Variants in CBFA2T2 observed in about 807,000 individuals in gnomAD.
The protein encoded by CBFA2T2 is CBFA2/RUNX1 partner transcriptional co-repressor 2, also known as protein CBFA2T2.
In CBFA2T2, 11 loss-of-function variants were observed where a neutral mutation model predicts 62.2. The ratio of observed to expected loss-of-function variants is 0.18; its 90% CI spans 0.11 to 0.29. CBFA2T2 has a LOEUF of 0.29. Among genes scored for constraint, CBFA2T2 ranks in the 10% least tolerant of loss-of-function variants. CBFA2T2 has a pLI of 1.00. For synonymous variants in CBFA2T2, 295 were observed against 287.5 expected, an observed-to-expected ratio of 1.03 and a Z score of -0.27; for missense variants, 592 against 774.1, an observed-to-expected ratio of 0.76 and a Z score of 2.79.
intron 1 of CBFA2T2, among the ~76,000 whole-genome samples, chr20:33,500,455 T>A (rs2011260007): frequency 6.6e-6 from 1 of 152,042 alleles, no homozygotes; most frequent in Admixed American, 6.6e-5. Context: ...ACGTCTGTAA[T>A]TCAAGCACTT....
rs970071755 is a variant in CBFA2T2 at position 33,567,544 on chromosome 20, T to C, written c.35-39412T>C. Among the ~76,000 whole-genome samples, 4 of 152,282 alleles carry C rather than the reference T, an allele frequency of 2.6e-5. 1 individual carries two copies. The highest frequency in any genetic ancestry group is 2.6e-4 in the Admixed American group (4 of 15,284). On this transcript the variant is annotated intron_variant, in intron 1 of 10. Coordinates refer to ENST00000342704, the MANE Select transcript of CBFA2T2 (RefSeq NM_001032999.3). ...AATTGTTATAATGTTTTATTCTTGT[T>C]AATCTCTTACTGTGCCTACTTTGTA...
Position 33,611,173 on chromosome 20 carries a change from C to T in CBFA2T2, c.258C>T (p.Ala86=). ...SPPQRFSNGP[A]SSTSSALTNQ... The stretch of plus-strand genomic sequence containing the variant: ...CACAGAGATTCAGCAATGGTCCTGC[C>T]TCCTCCACATCATCTGCACTCACAA... The change falls in exon 3 of 11, where the codon GCC becomes GCT. Residue 86 remains alanine (A), a synonymous_variant. Coordinates refer to ENST00000342704, the MANE Select transcript of CBFA2T2 (RefSeq NM_001032999.3). 6.2e-7 allele frequency: 1 copy of T among 1,614,186 alleles called. No individual in the cohort carries two copies. Among genetic ancestry groups the T allele is most frequent in the Non-Finnish European group, 8.5e-7 (1 of 1,180,022 alleles).
At chr20:33,603,450 TG>T (rs1456632915) in intron 1 of CBFA2T2, among the ~76,000 whole-genome samples, 4 of 152,246 alleles carry the variant, frequency 2.6e-5, no homozygotes, top group African/African-American at 9.6e-5. Flanking sequence ...CTGTCATATC[TG>T]GGTTTTATTT....
At chr20:33,521,799 A>G (rs544825790) in intron 1 of CBFA2T2, among the ~76,000 whole-genome samples, 1 of 151,850 alleles carries the variant, frequency 6.6e-6, no homozygotes, top group Admixed American at 6.6e-5. Flanking sequence ...AAAATTGAAC[A>G]AAAAAAGATG....
At chr20:33,557,215 A>G (rs1488669095) in intron 1 of CBFA2T2, among the ~76,000 whole-genome samples, 1 of 151,560 alleles carries the variant, frequency 6.6e-6, no homozygotes, top group Non-Finnish European at 1.5e-5. Context: ...GGTTTTCACC[A>G]TGTTGGCCAG....
chr20:33,559,254 A>G (rs1340592587), intron 1 of CBFA2T2, among the ~76,000 whole-genome samples: 1 of 142,776 alleles, frequency 7.0e-6, no homozygotes, highest in Admixed American at 7.5e-5. Flanking sequence ...CTTGGCTCCA[A>G]CCTCTGCCTT....
rs115557681 is a variant in CBFA2T2, at chr20:33,624,353, C to T, written c.693-411C>T. On this transcript the variant is annotated intron_variant, in intron 5 of 10. Coordinates refer to ENST00000342704, the MANE Select transcript of CBFA2T2 (RefSeq NM_001032999.3). The stretch of plus-strand genomic sequence containing the variant: ...ACTGGCTTTAAAAAAAAAAAAAAGA[C>T]ACAATTGGATTTGTTATATGAGCCT... Among the ~76,000 whole-genome samples, 950 of 145,590 alleles carry T rather than the reference C, an allele frequency of 6.5e-3. 5 individuals are homozygous for T. Among genetic ancestry groups the T allele is most frequent in the African/African-American group, 0.023 (899 of 39,130 alleles).
At chr20:33,573,979 G>A (rs2013698421) in intron 1 of CBFA2T2, 2 of 499,288 alleles carry the variant, frequency 4.0e-6, no homozygotes, top group African/African-American at 2.1e-5. Flanking sequence ...TGTAGAGGTG[G>A]GGTTTTGCCA....
chr20:33,575,155 T>C (rs1400930930), intron 1 of CBFA2T2, among the ~76,000 whole-genome samples: 1 of 152,214 alleles, frequency 6.6e-6, no homozygotes, highest in Non-Finnish European at 1.5e-5. Context: ...GCGAGGTAGC[T>C]GTGTTATTTT....
At chr20:33,628,643 AT>A (rs2016340417) in intron 7 of CBFA2T2, among the ~76,000 whole-genome samples, 1 of 151,994 alleles carries the variant, frequency 6.6e-6, no homozygotes, top group Non-Finnish European at 1.5e-5. Flanking sequence ...TAATTTTTGT[AT>A]TTTTAGTAGA....
chr20:33,573,932 C>A (rs1052807494), intron 1 of CBFA2T2: 3 of 364,052 alleles, frequency 8.2e-6, no homozygotes, highest in Non-Finnish European at 1.5e-5. Context: ...AGGCATTTGC[C>A]ACCATACCTG....
intron 1 of CBFA2T2, among the ~76,000 whole-genome samples, chr20:33,595,712 G>A (rs929949863): frequency 6.6e-6 from 1 of 151,482 alleles, no homozygotes; most frequent in African/African-American, 2.4e-5. Flanking sequence ...CTAAATTTTT[G>A]TATGTTTTGT....
intron 1 of CBFA2T2, among the ~76,000 whole-genome samples, chr20:33,494,127 C>T (rs575992807): frequency 1.3e-5 from 2 of 150,930 alleles, no homozygotes; most frequent in South Asian, 2.1e-4. Flanking sequence ...GTGATCCACC[C>T]GCCTTGGCAT....
intron 1 of CBFA2T2, among the ~76,000 whole-genome samples, chr20:33,531,520 T>C (rs1269863998): frequency 6.6e-6 from 1 of 152,244 alleles, no homozygotes; most frequent in East Asian, 1.9e-4. Context: ...CTACTTTCAT[T>C]CTGGAATCCT....
intron 1 of CBFA2T2, among the ~76,000 whole-genome samples, chr20:33,521,409 A>G (rs6059363): frequency 0.017 from 2,602 of 152,270 alleles, 66 homozygotes; most frequent in African/African-American, 0.06. Context: ...TCTTGTTATA[A>G]TAATAACTCT....
intron 1 of CBFA2T2, among the ~76,000 whole-genome samples, chr20:33,543,818 T>C (rs1019229658): frequency 1.3e-5 from 2 of 152,056 alleles, no homozygotes; most frequent in Non-Finnish European, 2.9e-5. Context: ...GATAACTAAA[T>C]TAAATTAAAT....
At chr20:33,608,291 C>G (rs1419794285) in intron 2 of CBFA2T2, among the ~76,000 whole-genome samples, 3 of 152,216 alleles carry the variant, frequency 2.0e-5, no homozygotes, top group African/African-American at 7.2e-5. Context: ...CCAAAATGTA[C>G]TGCTATTTTT....
intron 1 of CBFA2T2, among the ~76,000 whole-genome samples, chr20:33,510,887 T>A (rs2011500227): frequency 6.6e-6 from 1 of 152,208 alleles, no homozygotes; most frequent in African/African-American, 2.4e-5. Flanking sequence ...TGATGACCAG[T>A]GTTGATGAGC....
chr20:33,554,730 C>CT (rs1237356857), intron 1 of CBFA2T2, among the ~76,000 whole-genome samples: 1 of 140,862 alleles, frequency 7.1e-6, no homozygotes, highest in African/African-American at 2.6e-5. Flanking sequence ...GGCTGTTTTT[C>CT]TTTTTTAACG....
Sources: gnomAD v4.1 joint callset for allele counts (sites outside exome capture counted in the v4.1 genomes callset) on GRCh38, gnomAD v4.1.1 for gene constraint, MANE v1.5 for transcripts, NCBI Gene and HGNC (gene_info 2026-07-23, HGNC 2026-07-21) for gene names.